Variants in PLA2G4A observed in about 807,000 individuals in gnomAD.
PLA2G4A encodes cytosolic phospholipase A2.
A neutral mutation model predicts 81.9 loss-of-function variants in PLA2G4A; 40 were observed. The ratio of observed to expected loss-of-function variants is 0.49; its 90% CI spans 0.38 to 0.64. PLA2G4A has a LOEUF of 0.64. Ranked by LOEUF, PLA2G4A falls within the 30% of genes least tolerant of loss-of-function variation. The pLI is 0.00. For missense variants in PLA2G4A, 715 were observed against 905.1 expected (o/e 0.79, Z 2.69); for synonymous variants, 302 against 296.9 (o/e 1.02, Z -0.18).
At chr1:186,984,875 A>C (rs992336295) in intron 17 of PLA2G4A, among the ~76,000 whole-genome samples, 14 of 152,156 alleles carry the variant, frequency 9.2e-5, no homozygotes, top group Non-Finnish European at 1.5e-5. Context: ...ATTTTCCCCC[A>C]AATATTTAAC....
At chr1:186,907,616 C>T (rs1654786669) in intron 6 of PLA2G4A, among the ~76,000 whole-genome samples, 1 of 152,208 alleles carries the variant, frequency 6.6e-6, no homozygotes, top group South Asian at 2.1e-4. Context: ...AACCTCTCTG[C>T]ATCTCTTTGA....
rs549429177 is a variant in PLA2G4A, at chr1:186,936,847, A to G, written c.696-2161A>G. ...TGAAAAATTTGAGGCAAATATTTCC[A>G]GATTTTTATATAAATAAACCTAAGT... On this transcript the variant is annotated intron_variant, in intron 8 of 17. Coordinates refer to ENST00000367466, the MANE Select transcript of PLA2G4A (RefSeq NM_024420.3). Among the ~76,000 whole-genome samples, 18 of 152,042 alleles carry G rather than the reference A, an allele frequency of 1.2e-4. 1 individual carries two copies. In the South Asian group the frequency reaches 3.7e-3, roughly 31 times the overall value.
intron 3 of PLA2G4A, among the ~76,000 whole-genome samples, chr1:186,880,768 T>C (rs575283140): frequency 6.6e-6 from 1 of 152,038 alleles, no homozygotes; most frequent in Non-Finnish European, 1.5e-5. Flanking sequence ...TTCTATTCAA[T>C]CTAGAAAGAT....
intron 1 of PLA2G4A, among the ~76,000 whole-genome samples, chr1:186,846,644 C>T (rs930387265): frequency 8.6e-5 from 13 of 151,998 alleles, no homozygotes; most frequent in African/African-American, 1.4e-4. Flanking sequence ...CAATTTTATC[C>T]GGTGTGACAA....
chr1:186,854,424 G>C, intron 2 of PLA2G4A, 37 bp downstream of exon 2: 1 of 1,351,814 alleles, frequency 7.4e-7, no homozygotes, highest in Non-Finnish European at 1.1e-6. Flanking sequence ...TTTCTTGGAG[G>C]GGGTCTGATA....
chr1:186,839,019 A>G (rs1651885053), intron 1 of PLA2G4A, among the ~76,000 whole-genome samples: 1 of 152,186 alleles, frequency 6.6e-6, no homozygotes, highest in Admixed American at 6.5e-5. Flanking sequence ...CTTTTCAACG[A>G]CCAAAATAAT....
chr1:186,979,555 TA>T, intron 17 of PLA2G4A, 83 bp downstream of exon 17: 1 of 925,574 alleles, frequency 1.1e-6, no homozygotes, highest in Admixed American at 1.9e-5. Flanking sequence ...CAATTAAAAA[TA>T]AAAAAATAAG....
chr1:186,974,829 A>C (rs1407323504), intron 15 of PLA2G4A, among the ~76,000 whole-genome samples: 1 of 152,204 alleles, frequency 6.6e-6, no homozygotes, highest in Admixed American at 6.5e-5. Flanking sequence ...TCAGAGAGGA[A>C]ATGGTTTATC....
At chr1:186,925,421 T>C (rs1655513213) in intron 7 of PLA2G4A, among the ~76,000 whole-genome samples, 2 of 152,236 alleles carry the variant, frequency 1.3e-5, no homozygotes, top group Non-Finnish European at 2.9e-5. Context: ...TCCACTGCTC[T>C]TAGACTCTTC....
At chr1:186,910,777 C>A (rs987682048) in intron 6 of PLA2G4A, among the ~76,000 whole-genome samples, 1 of 152,050 alleles carries the variant, frequency 6.6e-6, no homozygotes, top group Non-Finnish European at 1.5e-5. Context: ...TTAGACAAGG[C>A]AATTAATTAA....
chr1:186,965,294 A>C, intron 14 of PLA2G4A, 115 bp from the exon 15 acceptor site: 1 of 776,206 alleles, frequency 1.3e-6, no homozygotes, highest in Non-Finnish European at 2.2e-6. Context: ...TTGTCTCCAA[A>C]GCCTGAGGGC....
rs923170510 is a variant in PLA2G4A, at chr1:186,973,040, G to C, written c.1765-4553G>C. On this transcript the variant is annotated intron_variant, in intron 15 of 17. Coordinates refer to ENST00000367466, the MANE Select transcript of PLA2G4A (RefSeq NM_024420.3). ...TTGTGGGCACCAATCCACAATGGCT[G>C]GTGAAGGAAAGTGCACAGCATTTAA... 9.2e-5 allele frequency among the ~76,000 whole-genome samples: 14 copies of C among 152,288 alleles called. 1 individual carries two copies. The highest frequency in any genetic ancestry group is 2.9e-4 in the African/African-American group (12 of 41,562).
chr1:186,920,479 G>T (rs914468398), intron 7 of PLA2G4A, among the ~76,000 whole-genome samples: 2 of 152,192 alleles, frequency 1.3e-5, no homozygotes, highest in Non-Finnish European at 2.9e-5. Context: ...CTTGCCCCCA[G>T]TTGTAATCCT....
chr1:186,963,009 C>T, intron 14 of PLA2G4A, among the ~76,000 whole-genome samples: 1 of 152,124 alleles, frequency 6.6e-6, no homozygotes, highest in Non-Finnish European at 1.5e-5. Context: ...GTTTCCTTAT[C>T]TTTAAAATGG....
chr1:186,920,757 C>T (rs1349103327), intron 7 of PLA2G4A, among the ~76,000 whole-genome samples: 1 of 152,172 alleles, frequency 6.6e-6, no homozygotes, highest in African/African-American at 2.4e-5. Flanking sequence ...CCCTAAAGGC[C>T]GTGGCCAGTA....
At chr1:186,948,952 C>T (rs981780644) in intron 12 of PLA2G4A, among the ~76,000 whole-genome samples, 3 of 152,142 alleles carry the variant, frequency 2.0e-5, no homozygotes, top group Non-Finnish European at 4.4e-5. Flanking sequence ...TGACTGAAGT[C>T]TATCTCCTAA....
chr1:186,888,205 T>A (rs1461677560), intron 3 of PLA2G4A, among the ~76,000 whole-genome samples: 1 of 152,182 alleles, frequency 6.6e-6, no homozygotes, highest in Non-Finnish European at 1.5e-5. Flanking sequence ...TTAAACAAAG[T>A]CTGTGGATGT....
At chr1:186,865,837 A>T (rs1653008080) in intron 2 of PLA2G4A, among the ~76,000 whole-genome samples, 1 of 152,306 alleles carries the variant, frequency 6.6e-6, no homozygotes, top group East Asian at 1.9e-4. Flanking sequence ...TCCAGAATGA[A>T]TTTAATACAG....
intron 6 of PLA2G4A, among the ~76,000 whole-genome samples, chr1:186,909,765 T>C (rs891951408): frequency 1.3e-5 from 2 of 152,076 alleles, no homozygotes; most frequent in African/African-American, 4.8e-5. Flanking sequence ...TACTTTTATA[T>C]ACAGTTCAAC....
Sources: gnomAD v4.1 joint callset for allele counts (sites outside exome capture counted in the v4.1 genomes callset) on GRCh38, gnomAD v4.1.1 for gene constraint, MANE v1.5 for transcripts, NCBI Gene and HGNC (gene_info 2026-07-23, HGNC 2026-07-21) for gene names.